Variants in ZNF544 observed in about 807,000 individuals in gnomAD.
ZNF544 encodes zinc finger protein 544, also known as zinc finger protein AF020591.
ZNF544 carries 10 observed loss-of-function variants against 13.5 expected under a neutral mutation model. That is an observed-to-expected ratio of 0.74 (90% CI 0.46 to 1.25). The LOEUF (loss-of-function observed/expected upper bound fraction) is 1.25, where lower values mean the gene tolerates loss of function less well. Among genes scored for constraint, ZNF544 ranks in the 50% most tolerant of loss-of-function variants. The pLI, the probability that ZNF544 is intolerant of heterozygous loss-of-function variation, is 0.00. For synonymous variants in ZNF544, 323 were observed against 300.5 expected (o/e 1.07, Z -0.77); for missense variants, 896 against 845.6 (o/e 1.06, Z -0.74).
At chr19:58,250,429 T>C (rs959237803) in intron 6 of ZNF544, among the ~76,000 whole-genome samples, 7 of 152,240 alleles carry the variant, frequency 4.6e-5, no homozygotes, top group Non-Finnish European at 7.3e-5. Flanking sequence ...CTAGTGGGCT[T>C]ACCTTGGCAG....
intron 6 of ZNF544, among the ~76,000 whole-genome samples, chr19:58,253,929 C>G (rs1395444871): frequency 6.6e-6 from 1 of 152,182 alleles, no homozygotes; most frequent in Non-Finnish European, 1.5e-5. Context: ...AATTTTAAAG[C>G]CAACTTCTTT....
intron 5 of ZNF544, 117 bp downstream of exon 5, chr19:58,246,544 C>T: frequency 6.6e-7 from 1 of 1,512,928 alleles, no homozygotes; most frequent in Non-Finnish European, 9.0e-7. Flanking sequence ...CTTTCAGGTG[C>T]AGTTCCCAGG....
Position 58,260,964 on chromosome 19 carries a change from T to A in ZNF544, c.358T>A (p.Leu120Met). Residue 120 changes from leucine to methionine, a missense_variant, in exon 7 of 7, where the codon TTG becomes ATG. Physicochemically the swap from Leu to Met is conservative, Grantham distance 15. Transcript: ENST00000687789. ...GAGTGGACCGGAGGAGCCACCCTCT[T>A]TGGTATTAGGAAAAGTGCAAGATCA... ...YRSGPEEPPS[L>M]VLGKVQDQSN... The A allele has an allele frequency of 6.2e-7, 1 of 1,614,068 alleles. No individual in the cohort carries two copies. Among genetic ancestry groups the A allele is most frequent in the African/African-American group, 1.3e-5 (1 of 74,992 alleles).
intron 5 of ZNF544, among the ~76,000 whole-genome samples, chr19:58,275,061 G>A (rs1367811895): frequency 6.6e-6 from 1 of 151,850 alleles, no homozygotes; most frequent in Admixed American, 6.6e-5. Context: ...GGTAACTGGG[G>A]TGGGGCAGGG....
chr19:58,236,270 C>T (rs1421746590), intron 3 of ZNF544, among the ~76,000 whole-genome samples: 2 of 151,686 alleles, frequency 1.3e-5, no homozygotes, highest in South Asian at 2.1e-4. Flanking sequence ...GAGGCCGAGG[C>T]GGGCAGATCA....
Position 58,260,950 on chromosome 19 carries a change from A to G in ZNF544, c.344A>G (p.Glu115Gly). ...HHVEVYRSGP[E>G]EPPSLVLGKV... ...GTGGAAGTGTACAGGAGTGGACCGG[A>G]GGAGCCACCCTCTTTGGTATTAGGA... Residue 115 changes from glutamate to glycine, a missense_variant, in exon 7 of 7, where the codon GAG (glutamate) becomes GGG (glycine). Physicochemically the swap from Glu to Gly is moderately conservative, Grantham distance 98. Transcript: ENST00000687789. 6.2e-7 allele frequency: 1 copy of G among 1,614,210 alleles called. No homozygotes were observed. Among genetic ancestry groups the G allele is most frequent in the Non-Finnish European group, 8.5e-7 (1 of 1,180,036 alleles).
Position 58,261,258 on chromosome 19 carries a change from T to A in ZNF544, c.652T>A (p.Cys218Ser). Residue 218 changes from cysteine to serine, a missense_variant, in exon 7 of 7, where the codon TGT (cysteine) becomes AGT (serine). Coordinates refer to ENST00000687789, the MANE Select transcript of ZNF544 (RefSeq NM_014480.4). ...TGGGAAGCACTGTGAGAGTCATCAG[T>A]GTGCTAGAGCTTTCTGTCAGAGTAT... ...ADGKHCESHQ[C>S]ARAFCQSIYL... is the part of the protein sequence containing the mutation. The A allele has an allele frequency of 1.2e-6, 2 of 1,614,194 alleles. No individual in the cohort carries two copies. Among genetic ancestry groups the A allele is most frequent in the South Asian group, 2.2e-5 (2 of 91,088 alleles).
At chr19:58,229,293 G>C (rs143468856) in intron 1 of ZNF544, 175 bp from the exon 2 acceptor site, 2 of 51,542 alleles carry the variant, frequency 3.9e-5, no homozygotes, top group Admixed American at 1.7e-4. Context: ...GACTGGGTGG[G>C]ACTGGGTGGG....
At chr19:58,241,183 T>A (rs867305799) in intron 3 of ZNF544, among the ~76,000 whole-genome samples, 1,151 of 30,886 alleles carry the variant, frequency 0.037, 66 homozygotes, top group Middle Eastern at 0.065. Flanking sequence ...ATATATATTT[T>A]TTTTTTTTTG....
Position 58,261,713 on chromosome 19 carries a change from A to G in ZNF544, c.1107A>G (p.Ile369Met). The change falls in exon 7 of 7, where the codon ATA becomes ATG. Residue 369 changes from isoleucine to methionine, a missense_variant. Ile to Met is a conservative substitution (Grantham distance 10). Coordinates refer to ENST00000687789, the MANE Select transcript of ZNF544 (RefSeq NM_014480.4). ...CGKSFSCCKL[I>M]HQRTHTGEKP... Reference sequence around the variant, plus strand: ...AATCTTTCAGCTGTTGTAAGCTCATACACCAGAGAACACACACTGGAGAAA... The same window carrying G: ...AATCTTTCAGCTGTTGTAAGCTCATGCACCAGAGAACACACACTGGAGAAA... 3 of 1,614,246 alleles carry G rather than the reference A, an allele frequency of 1.9e-6. No individual in the cohort carries two copies. The highest frequency in any genetic ancestry group is 2.5e-6 in the Non-Finnish European group (3 of 1,180,048).
chr19:58,275,324 T>G (rs1233728353), intron 5 of ZNF544, among the ~76,000 whole-genome samples: 1 of 152,078 alleles, frequency 6.6e-6, no homozygotes, highest in African/African-American at 2.4e-5. Context: ...GGCACTGGCA[T>G]CCGGTGACCT....
chr19:58,272,796 C>G (rs985628053), intron 5 of ZNF544, among the ~76,000 whole-genome samples: 5 of 150,386 alleles, frequency 3.3e-5, no homozygotes, highest in African/African-American at 4.9e-5. Flanking sequence ...GAACCGGGAC[C>G]TGGGAGGCGG....
At chr19:58,241,493 C>A (rs1220918654) in intron 3 of ZNF544, among the ~76,000 whole-genome samples, 8 of 151,188 alleles carry the variant, frequency 5.3e-5, no homozygotes, top group Non-Finnish European at 1.2e-4. Context: ...CATTCACATT[C>A]CATTTCTTTT....
intron 3 of ZNF544, among the ~76,000 whole-genome samples, chr19:58,240,373 T>G (rs1278381784): frequency 6.6e-6 from 1 of 151,766 alleles, no homozygotes; most frequent in Admixed American, 6.6e-5. Flanking sequence ...TTCTCCTGCC[T>G]CAACTTCCCG....
intron 3 of ZNF544, among the ~76,000 whole-genome samples, chr19:58,230,877 A>C (rs940119627): frequency 6.6e-6 from 1 of 152,184 alleles, no homozygotes; most frequent in African/African-American, 2.4e-5. Context: ...GCAGGCCTGC[A>C]GGAGTTTGTG....
intron 3 of ZNF544, among the ~76,000 whole-genome samples, chr19:58,242,669 G>T (rs959806895): frequency 3.3e-5 from 5 of 151,820 alleles, no homozygotes; most frequent in African/African-American, 1.2e-4. Flanking sequence ...CTCAGACCAT[G>T]CCCGGCTAAC....
At chr19:58,236,502 C>CAAA (rs35110851) in intron 3 of ZNF544, among the ~76,000 whole-genome samples, 1 of 106,950 alleles carries the variant, frequency 9.4e-6, no homozygotes, top group Non-Finnish European at 2.1e-5. Context: ...AACTGTGTCT[C>CAAA]AAAAAAAAAA....
intron 5 of ZNF544, among the ~76,000 whole-genome samples, chr19:58,270,281 G>T (rs1448536973): frequency 2.0e-5 from 3 of 151,260 alleles, no homozygotes; most frequent in Non-Finnish European, 2.9e-5. Flanking sequence ...TTGCATAGCT[G>T]TGACGTGAAC....
chr19:58,262,159 A>G lies in ZNF544; in HGVS notation c.1553A>G (p.Lys518Arg). 1 of 1,613,880 alleles carries G rather than the reference A, an allele frequency of 6.2e-7. No homozygotes were observed. The highest frequency in any genetic ancestry group is 1.1e-5 in the South Asian group (1 of 91,068). Residue 518 changes from lysine (K) to arginine (R), a missense_variant, in exon 7 of 7, where the codon AAG (lysine) becomes AGG (arginine). Transcript: ENST00000687789. ...CATCAGAGGACACACACTGGAGAGA[A>G]GCCCTATGAGTGCAACCTGTGTGGG... ...VVHQRTHTGE[K>R]PYECNLCGKS... is the part of the protein sequence containing the mutation.
Sources: gnomAD v4.1 joint callset for allele counts (sites outside exome capture counted in the v4.1 genomes callset) on GRCh38, gnomAD v4.1.1 for gene constraint, MANE v1.5 for transcripts, NCBI Gene and HGNC (gene_info 2026-07-23, HGNC 2026-07-21) for gene names.